XPC: variants seen among roughly 807,000 people sequenced by gnomAD.
The protein encoded by XPC is XPC complex subunit, DNA damage recognition and repair factor.
A neutral mutation model predicts 95.8 loss-of-function variants in XPC; 76 were observed. That is an observed-to-expected ratio of 0.79 (90% CI 0.66 to 0.96). The LOEUF is 0.96. XPC is among the 40% of genes least tolerant of loss of function. The probability of loss-of-function intolerance (pLI) is 0.00; values close to 1 mark genes in which losing one functional copy is unlikely to be tolerated. For missense variants in XPC, 1,146 were observed against 1,179.8 expected, an observed-to-expected ratio of 0.97 and a Z score of 0.42; for synonymous variants, 442 against 442.1, an observed-to-expected ratio of 1.00 and a Z score of 0.00.
At chr3:14,167,023 A>G in intron 5 of XPC, 146 bp downstream of exon 5, 1 of 593,358 alleles carries the variant, frequency 1.7e-6, no homozygotes, top group Non-Finnish European at 2.7e-6. Context: ...TACTACCCCC[A>G]CCTCCCAGAT....
chr3:14,177,237 T>G (rs780699336), intron 1 of XPC, among the ~76,000 whole-genome samples: 68 of 152,240 alleles, frequency 4.5e-4, no homozygotes, highest in Non-Finnish European at 1.6e-4. Flanking sequence ...ATTTCCATAG[T>G]ATCCACATTG....
In XPC at chr3:14,172,879, C is replaced by T. The variant is rs369470201; in HGVS notation, c.287G>A (p.Gly96Glu). ...KVIKDEALSD[G>E]DDLRDFPSDL... is the part of the protein sequence containing the mutation. Reference sequence around the variant, plus strand: ...GCAGACATCTCACCTGAGGTCATCCCCATCGCTGAGGGCTTCATCCTTTAT... The same window carrying T: ...GCAGACATCTCACCTGAGGTCATCCTCATCGCTGAGGGCTTCATCCTTTAT... Residue 96 changes from glycine (G) to glutamate (E), a missense_variant, in exon 2 of 16, where the codon GGG (glycine) becomes GAG (glutamate). Physicochemically the swap from Gly to Glu is moderately conservative, Grantham distance 98 (BLOSUM62 -2). Coordinates refer to ENST00000285021, the MANE Select transcript of XPC (RefSeq NM_004628.5). The T allele has an allele frequency of 5.6e-5, 90 of 1,613,830 alleles. No homozygotes were observed. In the African/African-American group the frequency reaches 1.0e-3, roughly 19 times the overall value.
Position 14,152,681 on chromosome 3 carries a change from TTTC to T in XPC, c.2034-268_2034-266del. ...TCCACCACTCCTCCCCTTCATAGGT[TTTC>T]TTCTCCTCTGCTGTCCAGAGCCTGT... On this transcript the variant is annotated intron_variant, in intron 10 of 15. Transcript: ENST00000285021. 7 of 404,484 alleles carry T rather than the reference TTTC, an allele frequency of 1.7e-5. No homozygotes were observed. The South Asian group carries it at 2.1e-4, about 12-fold the overall frequency. The allele number at this position is 404,484 out of a possible 1,614,324, so 25.1% of individuals were successfully genotyped here. A position where few individuals can be genotyped will look rare whatever the true frequency, so the allele number is the denominator to read the frequency against.
chr3:14,178,562 G>A lies in XPC; in HGVS notation c.7C>T (p.Arg3Trp), dbSNP rs774690269. ...GGCTCCCCGCCGGCCGCGCGTTTCCGAGCCATGTTGCTTGTCTGGGCAAAT... is the reference window on the plus strand; with the variant it reads ...GGCTCCCCGCCGGCCGCGCGTTTCCAAGCCATGTTGCTTGTCTGGGCAAAT... MA[R>W]KRAAGGEPRG... is the part of the protein sequence containing the mutation. Residue 3 changes from arginine to tryptophan, a missense_variant, in exon 1 of 16, where the codon CGG becomes TGG. By Grantham distance (101) the Arg-to-Trp change is moderately radical. Transcript: ENST00000285021. 16 of 1,612,510 alleles carry A rather than the reference G, an allele frequency of 9.9e-6. No homozygotes were observed. The highest frequency in any genetic ancestry group is 2.2e-5 in the East Asian group (1 of 44,874).
intron 11 of XPC, among the ~76,000 whole-genome samples, chr3:14,149,305 G>A (rs1207175492): frequency 1.3e-5 from 2 of 151,618 alleles, no homozygotes; most frequent in Non-Finnish European, 2.9e-5. Context: ...GGCTGGTCTC[G>A]AACTCCTGAC....
Position 14,160,974 on chromosome 3 carries a change from G to C in XPC, c.901-1144C>G, listed in dbSNP as rs115711480. On this transcript the variant is annotated intron_variant, in intron 7 of 15. Coordinates refer to ENST00000285021, the MANE Select transcript of XPC (RefSeq NM_004628.5). ...GTGACAGGACTCTGGAAACAGTCTA[G>C]TGCTACCCAAGCATACACAGTCACC... 4.1e-3 allele frequency among the ~76,000 whole-genome samples: 622 copies of C among 152,272 alleles called. 8 individuals are homozygous for C. Among genetic ancestry groups the C allele is most frequent in the African/African-American group, 0.014 (595 of 41,540 alleles).
At chr3:14,163,742 G>C (rs1696258278) in intron 7 of XPC, among the ~76,000 whole-genome samples, 1 of 152,244 alleles carries the variant, frequency 6.6e-6, no homozygotes, top group Admixed American at 6.5e-5. Context: ...TAAAAGCTGT[G>C]TGATCCTATT....
At chr3:14,160,519 G>A (rs774010337) in intron 7 of XPC, among the ~76,000 whole-genome samples, 7 of 152,176 alleles carry the variant, frequency 4.6e-5, no homozygotes, top group South Asian at 2.1e-4. Context: ...GAGAAAGTCC[G>A]GTGTGAGAAG....
chr3:14,168,430 A>C, intron 3 of XPC, 50 bp from the exon 4 acceptor site: 1 of 1,605,128 alleles, frequency 6.2e-7, no homozygotes, highest in Non-Finnish European at 8.5e-7. Flanking sequence ...CAATAATAAT[A>C]GCTACTGTAC....
intron 7 of XPC, among the ~76,000 whole-genome samples, chr3:14,162,530 T>A (rs185549396): frequency 1.3e-5 from 2 of 152,128 alleles, no homozygotes; most frequent in African/African-American, 4.8e-5. Flanking sequence ...CCAAGCCCCA[T>A]TGAAAAAATT....
chr3:14,147,015 C>T (rs1461815227), intron 15 of XPC, among the ~76,000 whole-genome samples: 3 of 152,162 alleles, frequency 2.0e-5, no homozygotes, highest in African/African-American at 4.8e-5. Context: ...ATGTGTTCAG[C>T]GCCAAATCAG....
Position 14,145,229 on chromosome 3 carries a change from A to G in XPC, c.*712T>C. On this transcript the variant is annotated 3_prime_UTR_variant, in exon 16 of 16. Transcript: ENST00000285021. ...ACAGAGAGCTTTATACATTTTATCT[A>G]GTAATGAATACAATCTAGTTTAACA... The G allele has an allele frequency of 1.6e-6, 1 of 633,116 alleles. No individual in the cohort carries two copies. The highest frequency in any genetic ancestry group is 1.8e-5 in the South Asian group (1 of 55,358). The allele number at this position is 633,116 out of a possible 1,614,324, so 39.2% of individuals were successfully genotyped here. A position where few individuals can be genotyped will look rare whatever the true frequency, so the allele number is the denominator to read the frequency against.
In XPC at chr3:14,170,415, G is replaced by C. The variant is rs375368091; in HGVS notation, c.412+23C>G. 5 of 1,606,442 alleles carry C rather than the reference G, an allele frequency of 3.1e-6. No individual in the cohort carries two copies. The African/African-American group carries it at 6.7e-5, about 21-fold the overall frequency. On this transcript the variant is annotated intron_variant, in intron 3 of 15. Transcript: ENST00000285021. ...AAAACAAACAGAACCAAACAGTTCT[G>C]AAAACAAAGAAAGATGTTTCACCTT...
At chr3:14,168,423 T>C (rs760637916) in intron 3 of XPC, 43 bp from the exon 4 acceptor site, 1 of 1,607,912 alleles carries the variant, frequency 6.2e-7, no homozygotes, top group South Asian at 1.1e-5. Context: ...GTAATAACAA[T>C]AATAATAGCT....
Position 14,148,804 on chromosome 3 carries a change from C to G in XPC, c.2250+10G>C. ...GGCCTGGTCCTGAGCCCTTCTGATG[C>G]TGCCCTTACCTTCCCGTCCACGGCC... On this transcript the variant is annotated intron_variant, in intron 12 of 15. Transcript: ENST00000285021. 1 of 1,613,896 alleles carries G rather than the reference C, an allele frequency of 6.2e-7. No individual in the cohort carries two copies. The highest frequency in any genetic ancestry group is 8.5e-7 in the Non-Finnish European group (1 of 1,179,772).
At chr3:14,161,766 C>A (rs1211884289) in intron 7 of XPC, among the ~76,000 whole-genome samples, 2 of 151,102 alleles carry the variant, frequency 1.3e-5, no homozygotes, top group Non-Finnish European at 2.9e-5. Flanking sequence ...AACAAGGATG[C>A]CTGCTGTCAC....
chr3:14,170,687 T>C (rs976029027), intron 2 of XPC, 137 bp from the exon 3 acceptor site: 1 of 597,852 alleles, frequency 1.7e-6, no homozygotes, highest in South Asian at 2.5e-5. Context: ...TAGTAAGCTC[T>C]GAGCCTCACT....
chr3:14,161,206 C>A (rs1056681110), intron 7 of XPC, among the ~76,000 whole-genome samples: 21 of 152,136 alleles, frequency 1.4e-4, no homozygotes, highest in African/African-American at 4.6e-4. Flanking sequence ...AACCTCCCAA[C>A]AAAGAAAATG....
At position 14,159,819 on chromosome 3, in the gene XPC, C is replaced by A; in HGVS notation, c.912G>T (p.Leu304=). The A allele has an allele frequency of 1.9e-6, 3 of 1,555,444 alleles. No individual in the cohort carries two copies. The highest frequency in any genetic ancestry group is 1.2e-5 in the South Asian group (1 of 84,202). ...TCAAGAGCTGCAGAGCCCGGAGAAT[C>A]AGTAAGAATATCTATGATGAAAAGG... The part of the protein sequence containing the change: ...DDEELVHIFL[L]ILRALQLLTR... Residue 304 remains leucine (L), a synonymous_variant, in exon 8 of 16, where the codon CTG becomes CTT. Coordinates refer to ENST00000285021, the MANE Select transcript of XPC (RefSeq NM_004628.5).
Sources: allele counts gnomAD v4.1 joint callset (sites outside exome capture counted in the v4.1 genomes callset), GRCh38; gene constraint gnomAD v4.1.1; transcripts MANE v1.5; gene names NCBI Gene and HGNC (gene_info 2026-07-23, HGNC 2026-07-21).